RAB3B: variants seen among roughly 807,000 people sequenced by gnomAD.
RAB3B encodes the protein RAB3B, member RAS oncogene family.
A neutral mutation model predicts 20.5 loss-of-function variants in RAB3B; 11 were observed. The observed-to-expected ratio is 0.54, with a 90% CI of 0.34 to 0.89. The LOEUF is 0.89. Ranked by LOEUF, RAB3B falls within the 40% of genes least tolerant of loss-of-function variation. RAB3B has a pLI of 0.02. For synonymous variants in RAB3B, 99 were observed against 106.3 expected, an observed-to-expected ratio of 0.93 and a Z score of 0.42; for missense variants, 225 against 280.9, an observed-to-expected ratio of 0.80 and a Z score of 1.42.
intron 4 of RAB3B, among the ~76,000 whole-genome samples, chr1:51,931,191 T>A (rs1684318349): frequency 6.6e-6 from 1 of 152,198 alleles, no homozygotes; most frequent in Non-Finnish European, 1.5e-5. Flanking sequence ...TGATTTATGG[T>A]TCCCTGACCC....
At chr1:51,960,768 G>A (rs4926904) in intron 2 of RAB3B, among the ~76,000 whole-genome samples, 34,854 of 152,030 alleles carry the variant, frequency 0.23, 4,507 homozygotes, top group Non-Finnish European at 0.29. Context: ...TAATTTCTCT[G>A]TTGATGACTC....
intron 2 of RAB3B, among the ~76,000 whole-genome samples, chr1:51,948,874 T>C (rs1187984643): frequency 6.6e-6 from 1 of 152,230 alleles, no homozygotes; most frequent in Non-Finnish European, 1.5e-5. Flanking sequence ...TACTATTGCA[T>C]CTCCAGTGCA....
intron 2 of RAB3B, among the ~76,000 whole-genome samples, chr1:51,967,521 C>CTTTCTTTTTTTTTTTTTTTT (rs1684870635): frequency 2.7e-5 from 1 of 36,496 alleles, no homozygotes; most frequent in Admixed American, 6.3e-4. Flanking sequence ...TTTTCTTTTT[C>CTTTCTTTTTTTTTTTTTTTT]TTTTTTTTTT....
Position 51,933,337 on chromosome 1 carries a change from C to T in RAB3B, c.453G>A (p.Gln151=), listed in dbSNP as rs139634898. Residue 151 remains glutamine, a synonymous_variant, in exon 4 of 5, where the codon CAG becomes CAA. Coordinates refer to ENST00000371655, the MANE Select transcript of RAB3B (RefSeq NM_002867.4). The part of the protein sequence containing the change: ...EERVVPTEKG[Q]LLAEQLGFDF... ...ACATACCAAGCTGCTCTGCAAGGAG[C>T]TGGCCCTTCTCAGTGGGAACAACCC... is the stretch of plus-strand genomic sequence containing the variant. 57 of 1,613,962 alleles carry T rather than the reference C, an allele frequency of 3.5e-5. No individual in the cohort carries two copies. The highest frequency in any genetic ancestry group is 1.6e-4 in the Middle Eastern group (1 of 6,084).
At chr1:51,936,892 C>T (rs1684411575) in intron 3 of RAB3B, among the ~76,000 whole-genome samples, 1 of 152,006 alleles carries the variant, frequency 6.6e-6, no homozygotes, top group Admixed American at 6.6e-5. Context: ...CAGCTCACTG[C>T]AACCTCCGCC....
chr1:51,943,274 C>T (rs1309896465), intron 2 of RAB3B, among the ~76,000 whole-genome samples: 2 of 152,110 alleles, frequency 1.3e-5, no homozygotes, highest in African/African-American at 4.8e-5. Flanking sequence ...ATCCCAGTTA[C>T]TCAGGAGGCT....
At chr1:51,970,381 G>A (rs1684912177) in intron 2 of RAB3B, among the ~76,000 whole-genome samples, 1 of 152,038 alleles carries the variant, frequency 6.6e-6, no homozygotes, top group South Asian at 2.1e-4. Flanking sequence ...CTAATAATGA[G>A]GCTTCTCTCC....
chr1:51,965,879 A>G (rs1684844981), intron 2 of RAB3B, among the ~76,000 whole-genome samples: 1 of 152,142 alleles, frequency 6.6e-6, no homozygotes. Context: ...CATTAGGGCA[A>G]CTGGGCAAAG....
At chr1:51,988,954 C>A (rs114607828) in intron 1 of RAB3B, among the ~76,000 whole-genome samples, 1,563 of 151,870 alleles carry the variant, frequency 0.01, 28 homozygotes, top group African/African-American at 0.035. Flanking sequence ...GGAAGGCTTC[C>A]CCAACCCACC....
chr1:51,919,825 T>C lies in RAB3B; in HGVS notation c.*102A>G. ...CTCATCTTGCTCTGAGTGTGGGCAG[T>C]GTGTAACAGGGAGAGTGGGCTGAGA... On this transcript the variant is annotated 3_prime_UTR_variant, in exon 5 of 5. Coordinates refer to ENST00000371655, the MANE Select transcript of RAB3B (RefSeq NM_002867.4). 6 of 1,200,970 alleles carry C rather than the reference T, an allele frequency of 5.0e-6. No homozygotes were observed. The highest frequency in any genetic ancestry group is 6.9e-6 in the Non-Finnish European group (6 of 864,232). The allele number at this position is 1,200,970 out of a possible 1,614,324, so 74.4% of individuals were successfully genotyped here.
At chr1:51,945,528 C>T (rs1318629123) in intron 2 of RAB3B, among the ~76,000 whole-genome samples, 1 of 152,104 alleles carries the variant, frequency 6.6e-6, no homozygotes, top group Non-Finnish European at 1.5e-5. Flanking sequence ...CCGAGGTATG[C>T]CTGTACCTAC....
At chr1:51,982,682 G>A (rs1339530427) in intron 1 of RAB3B, among the ~76,000 whole-genome samples, 1 of 151,906 alleles carries the variant, frequency 6.6e-6, no homozygotes, top group African/African-American at 2.4e-5. Flanking sequence ...GAACTCGGGA[G>A]GTGGAGGTTG....
chr1:51,969,202 T>C (rs1368062971), intron 2 of RAB3B, among the ~76,000 whole-genome samples: 1 of 152,066 alleles, frequency 6.6e-6, no homozygotes, highest in Non-Finnish European at 1.5e-5. Flanking sequence ...GAGGCTAAGG[T>C]GGGAGGATTG....
At chr1:51,970,271 G>A (rs1684910881) in intron 2 of RAB3B, among the ~76,000 whole-genome samples, 2 of 152,170 alleles carry the variant, frequency 1.3e-5, no homozygotes, top group Non-Finnish European at 2.9e-5. Flanking sequence ...GTCTCCAGGG[G>A]TTGCTTGGCA....
intron 2 of RAB3B, among the ~76,000 whole-genome samples, chr1:51,941,772 C>T (rs1684498152): frequency 6.6e-6 from 1 of 152,192 alleles, no homozygotes; most frequent in Non-Finnish European, 1.5e-5. Context: ...ATCTTACTCT[C>T]CACCTCAATC....
At chr1:51,967,064 G>A (rs1684861764) in intron 2 of RAB3B, among the ~76,000 whole-genome samples, 1 of 152,204 alleles carries the variant, frequency 6.6e-6, no homozygotes, top group East Asian at 1.9e-4. Context: ...CGTAATCCCA[G>A]CACTTTGGGA....
At chr1:51,971,918 C>T (rs748480962) in intron 2 of RAB3B, among the ~76,000 whole-genome samples, 75 of 152,152 alleles carry the variant, frequency 4.9e-4, no homozygotes, top group Admixed American at 9.2e-4. Context: ...CGGTGGGTCA[C>T]GCCTGTAATC....
At chr1:51,947,027 T>C (rs970267792) in intron 2 of RAB3B, among the ~76,000 whole-genome samples, 4 of 152,106 alleles carry the variant, frequency 2.6e-5, no homozygotes, top group Admixed American at 6.6e-5. Context: ...GAGTCCCCAG[T>C]TGATATATGA....
chr1:51,939,329 T>C (rs1684457865), intron 2 of RAB3B, among the ~76,000 whole-genome samples: 1 of 152,210 alleles, frequency 6.6e-6, no homozygotes, highest in African/African-American at 2.4e-5. Context: ...TTACACTTTA[T>C]AGTTGAGAAT....
Sources: gnomAD v4.1 joint callset for allele counts (sites outside exome capture counted in the v4.1 genomes callset) on GRCh38, gnomAD v4.1.1 for gene constraint, MANE v1.5 for transcripts, NCBI Gene and HGNC (gene_info 2026-07-23, HGNC 2026-07-21) for gene names.